Variants in HSPG2 observed in about 807,000 individuals in gnomAD.
HSPG2 encodes the protein basement membrane-specific heparan sulfate proteoglycan core protein.
In HSPG2, 278 loss-of-function variants were observed where a neutral mutation model predicts 526.6. The observed-to-expected ratio is 0.53, with a 90% CI of 0.48 to 0.58. The LOEUF is 0.58. Ranked by LOEUF, HSPG2 falls within the 20% of genes least tolerant of loss-of-function variation. HSPG2 has a pLI of 0.00. For missense variants in HSPG2, 5,354 were observed against 6,099.5 expected, an observed-to-expected ratio of 0.88 and a Z score of 4.07; for synonymous variants, 2,465 against 2,555.4, an observed-to-expected ratio of 0.96 and a Z score of 1.07.
rs747617286 is a variant in HSPG2, at chr1:21,848,804, T to C, written c.7586-10A>G. 61 of 1,608,236 alleles carry C rather than the reference T, an allele frequency of 3.8e-5. No homozygotes were observed. Among genetic ancestry groups the C allele is most frequent in the Non-Finnish European group, 4.9e-5 (58 of 1,178,200 alleles). ...TACGCCACACCCTGGGCTGGGAGGG[T>C]GAGATGTAAGGCAGGGTGTGGGAGC... is the stretch of plus-strand genomic sequence containing the variant. On this transcript the variant is annotated splice_polypyrimidine_tract_variant and intron_variant, in intron 58 of 96. Coordinates refer to ENST00000374695, the MANE Select transcript of HSPG2 (RefSeq NM_005529.7). The surrounding 1 kb of genome is among the most constrained non-coding windows in gnomAD (Gnocchi z 4.9).
chr1:21,828,220 C>G lies in HSPG2; in HGVS notation c.12409+35G>C. On this transcript the variant is annotated intron_variant, in intron 89 of 96. Transcript: ENST00000374695. This position sits in a 1 kb window ranked among gnomAD's most constrained non-coding sequence, Gnocchi z 6.0. ...TGGAGGTGTCGCTGACCACCTGTGC[C>G]CCTCCCCTCCGGTGCCCTGGGCAGG... is the stretch of plus-strand genomic sequence containing the variant. 1.2e-6 allele frequency: 2 copies of G among 1,613,176 alleles called. No individual in the cohort carries two copies. Among genetic ancestry groups the G allele is most frequent in the Non-Finnish European group, 1.7e-6 (2 of 1,179,914 alleles).
rs774236205 is a variant in HSPG2 at position 21,859,631 on chromosome 1, A to T, written c.5228T>A (p.Val1743Asp). 1.9e-6 allele frequency: 3 copies of T among 1,607,012 alleles called. No homozygotes were observed. Among genetic ancestry groups the T allele is most frequent in the Non-Finnish European group, 2.5e-6 (3 of 1,177,066 alleles). The change falls in exon 42 of 97, where the codon GTC (valine) becomes GAC (aspartate). Residue 1743 changes from valine (V) to aspartate (D), a missense_variant. By Grantham distance (152) the Val-to-Asp change is radical (BLOSUM62 -3). Coordinates refer to ENST00000374695, the MANE Select transcript of HSPG2 (RefSeq NM_005529.7). This position sits in a 1 kb window ranked among gnomAD's most constrained non-coding sequence, Gnocchi z 5.3. ...FPSVQPSDAG[V>D]YICTCRNLHQ... Reference sequence around the variant, plus strand: ...GAGATTACGGCAGGTGCAAATGTAGACCCCAGCATCCGAGGGCTGGACGCT... The same window carrying T: ...GAGATTACGGCAGGTGCAAATGTAGTCCCCAGCATCCGAGGGCTGGACGCT...
At chr1:21,892,060 G>A (rs1015580726) in intron 3 of HSPG2, among the ~76,000 whole-genome samples, 4 of 152,268 alleles carry the variant, frequency 2.6e-5, no homozygotes, top group Non-Finnish European at 5.9e-5. Flanking sequence ...AGAGCAGGGA[G>A]TGGCACTGTC....
Position 21,857,379 on chromosome 1 carries a change from G to A in HSPG2, c.5300C>T (p.Pro1767Leu), listed in dbSNP as rs1639421805. The change falls in exon 43 of 97, where the codon CCA becomes CTA. Residue 1767 changes from proline to leucine, a missense_variant. Transcript: ENST00000374695. ...SRAELLVTEA[P>L]SKPITVTVEE... ...CACAGTCACTGTGATGGGCTTGCTT[G>A]GAGCCTCTGCAGGGACGGGAAGCCC... is the stretch of plus-strand genomic sequence containing the variant. 3.7e-6 allele frequency: 6 copies of A among 1,613,684 alleles called. No individual in the cohort carries two copies. The highest frequency in any genetic ancestry group is 4.5e-5 in the East Asian group (2 of 44,874).
rs1371575847 is a variant in HSPG2, at chr1:21,888,084, G to A, written c.575-18C>T. 1.2e-6 allele frequency: 2 copies of A among 1,613,704 alleles called. No homozygotes were observed. The highest frequency in any genetic ancestry group is 1.7e-5 in the Admixed American group (1 of 60,008). On this transcript the variant is annotated intron_variant, in intron 6 of 96. Transcript: ENST00000374695. ...CTGGGGCACTGCAGGTGGAAAGGAA[G>A]CAGACTGGAGTCAGAGGCGGCAGGA...
intron 33 of HSPG2, chr1:21,869,470 G>A: frequency 3.0e-6 from 3 of 986,732 alleles, no homozygotes; most frequent in Non-Finnish European, 3.6e-6. Context: ...ACATACCTGA[G>A]AGCCTGGTGA....
intron 33 of HSPG2, chr1:21,869,769 A>G: frequency 2.0e-6 from 2 of 977,146 alleles, no homozygotes; most frequent in Non-Finnish European, 2.4e-6. Flanking sequence ...CCCGCTCTGC[A>G]CTGTCTGCTC....
At chr1:21,881,942 C>CAAAAAAAAA (rs10570430) in intron 13 of HSPG2, among the ~76,000 whole-genome samples, 3 of 87,238 alleles carry the variant, frequency 3.4e-5, no homozygotes, top group African/African-American at 1.3e-4. Context: ...GACTCTGTCT[C>CAAAAAAAAA]AAAAAAAAAA....
intron 17 of HSPG2, among the ~76,000 whole-genome samples, chr1:21,879,712 G>C (rs906080078): frequency 6.6e-6 from 1 of 152,144 alleles, no homozygotes; most frequent in Non-Finnish European, 1.5e-5. Context: ...GAGTGCAGGG[G>C]CACGGTCTTG....
In HSPG2 at chr1:21,827,933, C is replaced by T; in HGVS notation, c.12533-14G>A. The T allele has an allele frequency of 6.2e-7, 1 of 1,605,582 alleles. No homozygotes were observed. The highest frequency in any genetic ancestry group is 8.5e-7 in the Non-Finnish European group (1 of 1,176,458). ...CATGTCCAGAGCCTATGGAGAAGGG[C>T]AGGGTCCAGTTGGTGGGCATAGACA... On this transcript the variant is annotated splice_polypyrimidine_tract_variant and intron_variant, in intron 90 of 96. Transcript: ENST00000374695.
At position 21,842,019 on chromosome 1, in the gene HSPG2, C is replaced by T. The variant is rs760159387; in HGVS notation, c.9176G>A (p.Arg3059Gln). 42 of 1,613,376 alleles carry T rather than the reference C, an allele frequency of 2.6e-5. No homozygotes were observed. The highest frequency in any genetic ancestry group is 7.7e-5 in the South Asian group (7 of 91,080). The change falls in exon 69 of 97, where the codon CGG (arginine) becomes CAG (glutamine). Residue 3059 changes from arginine to glutamine, a missense_variant. By Grantham distance (43) the Arg-to-Gln change is conservative. Coordinates refer to ENST00000374695, the MANE Select transcript of HSPG2 (RefSeq NM_005529.7). ...AAPISLEWKT[R>Q]NQELEDNVHI... ...TGGCTCACCCTCCAGCTCCTGGTTC[C>T]GGGTCTTCCACTCGAGGCTGATGGG...
chr1:21,848,558 C>T lies in HSPG2; in HGVS notation c.7737+85G>A. On this transcript the variant is annotated intron_variant, in intron 59 of 96. Transcript: ENST00000374695. This position sits in a 1 kb window ranked among gnomAD's most constrained non-coding sequence, Gnocchi z 4.9. ...TGTTTGTTGAATGACTGAATGAGCA[C>T]AGAGTGAGGTGCTGAGAGTCCCCCC... The T allele has an allele frequency of 6.9e-7, 1 of 1,449,932 alleles. No individual in the cohort carries two copies. Among genetic ancestry groups the T allele is most frequent in the South Asian group, 1.1e-5 (1 of 87,476 alleles). The allele number at this position is 1,449,932 out of a possible 1,614,324, so 89.8% of individuals were successfully genotyped here.
chr1:21,930,534 G>A, intron 1 of HSPG2, among the ~76,000 whole-genome samples: 1 of 152,206 alleles, frequency 6.6e-6, no homozygotes, highest in East Asian at 1.9e-4. Flanking sequence ...AGTGCTTTGG[G>A]AGGCCAAGAT....
intron 1 of HSPG2, among the ~76,000 whole-genome samples, chr1:21,903,255 C>T (rs1271613964): frequency 1.3e-5 from 2 of 152,138 alleles, no homozygotes; most frequent in Non-Finnish European, 2.9e-5. Flanking sequence ...TTCCAAGACA[C>T]CCCTGTCCCT....
intron 63 of HSPG2, 89 bp from the exon 64 acceptor site, chr1:21,846,344 G>T: frequency 7.5e-6 from 12 of 1,605,738 alleles, no homozygotes; most frequent in Non-Finnish European, 1.0e-5. Flanking sequence ...TCTGACACAG[G>T]GGGGTACTGC....
Position 21,847,412 on chromosome 1 carries a change from G to A in HSPG2, c.8106C>T (p.Ile2702=), listed in dbSNP as rs571975585. ...GEYVCRANNN[I]DALEASIVIS... ...TGACGATGGAGGCCTCCAGGGCATC[G>A]ATGTTGTTGTTGGCCCGGCACACAT... is the stretch of plus-strand genomic sequence containing the variant. The change falls in exon 62 of 97, where the codon ATC becomes ATT. Residue 2702 remains isoleucine (I), a synonymous_variant. Coordinates refer to ENST00000374695, the MANE Select transcript of HSPG2 (RefSeq NM_005529.7). This position sits in a 1 kb window ranked among gnomAD's most constrained non-coding sequence, Gnocchi z 4.1. 75 of 1,613,818 alleles carry A rather than the reference G, an allele frequency of 4.6e-5. No individual in the cohort carries two copies. The Admixed American group carries it at 1.1e-3, about 24-fold the overall frequency.
chr1:21,930,913 C>T (rs941237553), intron 1 of HSPG2, among the ~76,000 whole-genome samples: 8 of 152,220 alleles, frequency 5.3e-5, no homozygotes, highest in South Asian at 2.1e-4. Flanking sequence ...CAAGGCTTTG[C>T]GCACCAGATA....
At chr1:21,900,007 T>C (rs901328893) in intron 1 of HSPG2, among the ~76,000 whole-genome samples, 2 of 152,218 alleles carry the variant, frequency 1.3e-5, no homozygotes, top group African/African-American at 4.8e-5. Flanking sequence ...CTGTGCAGCA[T>C]GTGCCTCAGG....
At position 21,848,770 on chromosome 1, in the gene HSPG2, C is replaced by T. The variant is rs752745046; in HGVS notation, c.7610G>A (p.Arg2537His). The change falls in exon 59 of 97, where the codon CGC (arginine) becomes CAC (histidine). Residue 2537 changes from arginine (R) to histidine (H), a missense_variant. Coordinates refer to ENST00000374695, the MANE Select transcript of HSPG2 (RefSeq NM_005529.7). This position sits in a 1 kb window ranked among gnomAD's most constrained non-coding sequence, Gnocchi z 4.9. ...CAGGGAGGCTGAGGAGGACTCGATG[C>T]GGACGGGGTACGCCACACCCTGGGC... is the stretch of plus-strand genomic sequence containing the variant. ...SHSQGVAYPV[R>H]IESSSASLAN... The T allele has an allele frequency of 2.7e-5, 43 of 1,613,638 alleles. 2 individuals carry two copies. In the Middle Eastern group the frequency reaches 4.9e-4, roughly 19 times the overall value.
Sources: gnomAD v4.1 joint callset for allele counts (sites outside exome capture counted in the v4.1 genomes callset) on GRCh38, gnomAD v4.1.1 for gene constraint, Gnocchi (gnomAD v3.1) non-coding constraint, MANE v1.5 for transcripts, NCBI Gene and HGNC (gene_info 2026-07-23, HGNC 2026-07-21) for gene names.